The following LYPD6B variants were observed in gnomAD, a reference collection of about 807,000 sequenced individuals.
LYPD6B encodes ly6/PLAUR domain-containing protein 6B.
LYPD6B carries 17 observed loss-of-function variants against 22.8 expected under a neutral mutation model. The ratio of observed to expected loss-of-function variants is 0.75; its 90% CI spans 0.51 to 1.12. The LOEUF is 1.12. LYPD6B is among the 50% of genes most tolerant of loss of function. The probability of loss-of-function intolerance (pLI) is 0.00; values close to 1 mark genes in which losing one functional copy is unlikely to be tolerated. For missense variants in LYPD6B, 221 were observed against 258.3 expected (o/e 0.86, Z 0.99); for synonymous variants, 106 against 91.6 (o/e 1.16, Z -0.90).
chr2:149,117,770 T>C (rs1185301904), intron 1 of LYPD6B, among the ~76,000 whole-genome samples: 1 of 152,204 alleles, frequency 6.6e-6, no homozygotes, highest in Non-Finnish European at 1.5e-5. Context: ...ATTATAATAA[T>C]CATCTATTGC....
At chr2:149,095,176 A>T (rs1243083833) in intron 1 of LYPD6B, among the ~76,000 whole-genome samples, 1 of 152,146 alleles carries the variant, frequency 6.6e-6, no homozygotes, top group Non-Finnish European at 1.5e-5. Context: ...GGTGCCTGTA[A>T]TCTCAGCTAC....
chr2:149,187,308 C>G, intron 3 of LYPD6B: 1 of 1,064,306 alleles, frequency 9.4e-7, no homozygotes. Context: ...GAATAATGCA[C>G]TAAATGAAGT....
At chr2:149,154,083 CAT>C (rs1318011226) in intron 2 of LYPD6B, 1 of 942,780 alleles carries the variant, frequency 1.1e-6, no homozygotes, top group Non-Finnish European at 1.3e-6. Context: ...GATGTCTTCT[CAT>C]TTTGAATATT....
At chr2:149,154,060 T>G in intron 2 of LYPD6B, 1 of 970,618 alleles carries the variant, frequency 1.0e-6, no homozygotes, top group Non-Finnish European at 1.2e-6. Flanking sequence ...AGATGGAGTT[T>G]TGTGGTAAAG....
intron 1 of LYPD6B, among the ~76,000 whole-genome samples, chr2:149,087,356 T>G (rs1465276539): frequency 6.6e-6 from 1 of 152,184 alleles, no homozygotes; most frequent in Non-Finnish European, 1.5e-5. Flanking sequence ...TCTTCTGCAA[T>G]TTTTTAGATT....
intron 3 of LYPD6B, among the ~76,000 whole-genome samples, chr2:149,193,938 T>C (rs866518899): frequency 2.0e-5 from 3 of 152,236 alleles, no homozygotes; most frequent in Non-Finnish European, 2.9e-5. Flanking sequence ...GCTTCAGCGC[T>C]ATGTCCATAC....
intron 3 of LYPD6B, among the ~76,000 whole-genome samples, chr2:149,162,426 T>C (rs1484228345): frequency 6.6e-6 from 1 of 152,160 alleles, no homozygotes; most frequent in Non-Finnish European, 1.5e-5. Context: ...AGAACTGGAA[T>C]GTAACCCATT....
intron 1 of LYPD6B, among the ~76,000 whole-genome samples, chr2:149,121,823 T>C: frequency 6.6e-6 from 1 of 152,076 alleles, no homozygotes; most frequent in East Asian, 1.9e-4. Flanking sequence ...CAACCTCCTG[T>C]TCCTCTCTCC....
At chr2:149,190,296 CTGTG>C (rs762806658) in intron 3 of LYPD6B, among the ~76,000 whole-genome samples, 1 of 151,994 alleles carries the variant, frequency 6.6e-6, no homozygotes, top group Non-Finnish European at 1.5e-5. Context: ...GTGTGTGTCT[CTGTG>C]TGTGTGCACG....
rs1694098787 is a variant in LYPD6B at position 149,214,943 on chromosome 2, G to A, written c.*233G>A. 1.8e-6 allele frequency: 1 copy of A among 544,168 alleles called. No homozygotes were observed. Among genetic ancestry groups the A allele is most frequent in the East Asian group, 3.0e-5 (1 of 33,204 alleles). 33.7% of individuals were successfully genotyped at this position (544,168 alleles called of 1,614,324 possible). Reference sequence around the variant, plus strand: ...GATGGTCTGACTTCCAGGCTTCCTGGTCAAAGAGAGCTACGTTTGGGCAGT... The same window carrying A: ...GATGGTCTGACTTCCAGGCTTCCTGATCAAAGAGAGCTACGTTTGGGCAGT... On this transcript the variant is annotated 3_prime_UTR_variant, in exon 7 of 7. Coordinates refer to ENST00000409642, the MANE Select transcript of LYPD6B (RefSeq NM_177964.5).
At chr2:149,212,520 T>C (rs1693939338) in intron 5 of LYPD6B, among the ~76,000 whole-genome samples, 1 of 151,776 alleles carries the variant, frequency 6.6e-6, no homozygotes, top group South Asian at 2.1e-4. Context: ...GCTCACCACA[T>C]GGCCTATTAG....
intron 1 of LYPD6B, among the ~76,000 whole-genome samples, chr2:149,124,447 T>A (rs556546186): frequency 1.1e-4 from 17 of 152,296 alleles, no homozygotes; most frequent in Admixed American, 8.5e-4. Context: ...TGGCAGGGGT[T>A]CTGAAACCCG....
chr2:149,132,530 T>G (rs1304751738), intron 2 of LYPD6B, among the ~76,000 whole-genome samples: 1 of 152,066 alleles, frequency 6.6e-6, no homozygotes, highest in Non-Finnish European at 1.5e-5. Flanking sequence ...CCTCTCCTTT[T>G]CTGCAGATGG....
intron 2 of LYPD6B, among the ~76,000 whole-genome samples, chr2:149,140,589 C>G (rs76122229): frequency 6.6e-6 from 1 of 152,200 alleles, no homozygotes; most frequent in Non-Finnish European, 1.5e-5. Context: ...AATGTCCCTC[C>G]CACACTCTTA....
At chr2:149,041,815 A>G (rs1401304482) in intron 1 of LYPD6B, among the ~76,000 whole-genome samples, 2 of 152,242 alleles carry the variant, frequency 1.3e-5, no homozygotes, top group African/African-American at 2.4e-5. Flanking sequence ...TAAGAAGCAT[A>G]GTAAATCTTG....
chr2:149,165,306 A>C (rs1690351454), intron 3 of LYPD6B, among the ~76,000 whole-genome samples: 1 of 152,192 alleles, frequency 6.6e-6, no homozygotes. Flanking sequence ...AGGGGAGGGC[A>C]TTGGAAATAG....
chr2:149,194,590 C>T (rs1388841879), intron 3 of LYPD6B, among the ~76,000 whole-genome samples: 1 of 152,166 alleles, frequency 6.6e-6, no homozygotes, highest in Non-Finnish European at 1.5e-5. Context: ...ATGGTAGCTG[C>T]AGAGTTGGCC....
intron 3 of LYPD6B, among the ~76,000 whole-genome samples, chr2:149,171,474 G>T (rs1296047171): frequency 2.6e-5 from 4 of 151,530 alleles, no homozygotes; most frequent in African/African-American, 9.7e-5. Flanking sequence ...ATAACTCAAG[G>T]ATAGGAATTC....
At chr2:149,108,221 C>CT (rs1385156894) in intron 1 of LYPD6B, among the ~76,000 whole-genome samples, 1 of 152,176 alleles carries the variant, frequency 6.6e-6, no homozygotes, top group Non-Finnish European at 1.5e-5. Context: ...CTCCTCCTTG[C>CT]CTTCCACCAT....
Sources: allele counts gnomAD v4.1 joint callset (sites outside exome capture counted in the v4.1 genomes callset), GRCh38; gene constraint gnomAD v4.1.1; transcripts MANE v1.5; gene names NCBI Gene and HGNC (gene_info 2026-07-23, HGNC 2026-07-21).